ARHGEF18: variants seen among roughly 807,000 people sequenced by gnomAD.
The protein encoded by ARHGEF18 is rho guanine nucleotide exchange factor 18.
A neutral mutation model predicts 155.7 loss-of-function variants in ARHGEF18; 93 were observed. The observed-to-expected ratio is 0.60, with a 90% confidence interval of 0.50 to 0.71. The LOEUF is 0.71. ARHGEF18 is among the 30% of genes least tolerant of loss of function. ARHGEF18 has a pLI of 0.00. For synonymous variants in ARHGEF18, 742 were observed against 753.1 expected (o/e 0.99, Z 0.24); for missense variants, 1,593 against 1,816.1 (o/e 0.88, Z 2.23).
intron 10 of ARHGEF18, among the ~76,000 whole-genome samples, chr19:7,386,778 A>G (rs1415264220): frequency 1.3e-5 from 2 of 151,968 alleles, no homozygotes; most frequent in Non-Finnish European, 2.9e-5. Flanking sequence ...TCGATAGCTG[A>G]GCTTGCTGTC....
Position 7,395,485 on chromosome 19 carries a change from C to T in ARHGEF18, c.967+12282C>T, listed in dbSNP as rs1452359503. ...AGGTGCAGACGATGCCCGCCCGCTC[C>T]GTCCGAGCCCCAGCCAGTCCTGGGG... On this transcript the variant is annotated intron_variant, in intron 10 of 28. Coordinates refer to ENST00000668164, the MANE Select transcript of ARHGEF18 (RefSeq NM_001367823.1). The surrounding 1 kb of genome is among the most constrained non-coding windows in gnomAD (Gnocchi z 5.0). Among the ~76,000 whole-genome samples, 1 of 152,090 alleles carries T rather than the reference C, an allele frequency of 6.6e-6. No homozygotes were observed. Among genetic ancestry groups the T allele is most frequent in the Non-Finnish European group, 1.5e-5 (1 of 68,004 alleles).
chr19:7,469,732 G>A (rs1976897456), intron 27 of ARHGEF18, among the ~76,000 whole-genome samples, 172 bp from the exon 28 acceptor site: 1 of 152,078 alleles, frequency 6.6e-6, no homozygotes, highest in African/African-American at 2.4e-5. Flanking sequence ...GGTTGGGGCC[G>A]TTCTCCCTGA....
rs1234895605 is a variant in ARHGEF18 at position 7,462,151 on chromosome 19, G to A, written c.2453-1G>A. The A allele has an allele frequency of 1.9e-6, 3 of 1,613,724 alleles. No individual in the cohort carries two copies. Among genetic ancestry groups the A allele is most frequent in the Non-Finnish European group, 2.5e-6 (3 of 1,180,024 alleles). ...CTGCCACCTCCACCATCACTCTGCA[G>A]AGCGGTTGAGCATGAAAGACCAGCT... On this transcript the variant is annotated splice_acceptor_variant, in intron 20 of 28. Transcript: ENST00000668164. LOFTEE classifies it high-confidence loss of function. The surrounding 1 kb of genome is among the most constrained non-coding windows in gnomAD (Gnocchi z 4.4).
chr19:7,353,386 C>T (rs149735868), intron 1 of ARHGEF18, among the ~76,000 whole-genome samples: 6,359 of 151,196 alleles, frequency 0.042, 401 homozygotes, highest in African/African-American at 0.14. Context: ...GTCAGGAGTT[C>T]GAGACCAGCC....
Position 7,418,254 on chromosome 19 carries a change from T to TTTTTG in ARHGEF18, c.968-22070_968-22066dup, listed in dbSNP as rs548862942. ...ACTGGTTTTTTGTGTTTGTGGGGTT[T>TTTTTG]TTTTGTTTTGTTTTGTTTTGTTTTA... On this transcript the variant is annotated intron_variant, in intron 10 of 28. Transcript: ENST00000668164. Among the ~76,000 whole-genome samples the TTTTTG allele has an allele frequency of 2.1e-3, 315 of 152,130 alleles. 1 individual carries two copies. The highest frequency in any genetic ancestry group is 6.4e-3 in the African/African-American group (264 of 41,498).
intron 17 of ARHGEF18, 125 bp downstream of exon 17, chr19:7,453,840 AGGTGGTCACCATCTTGGATT>A: frequency 7.8e-7 from 1 of 1,283,882 alleles, no homozygotes; most frequent in Non-Finnish European, 1.0e-6. Context: ...CATCTTGGAG[AGGTGGTCACCATCTTGGATT>A]GGTGGGTACT....
At chr19:7,429,050 CAGA>C (rs1437601505) in intron 10 of ARHGEF18, among the ~76,000 whole-genome samples, 1 of 152,236 alleles carries the variant, frequency 6.6e-6, no homozygotes, top group Non-Finnish European at 1.5e-5. Context: ...GCACGCCATG[CAGA>C]AGGACTCTGA....
chr19:7,358,283 A>ATCCC, intron 1 of ARHGEF18, among the ~76,000 whole-genome samples: 1 of 148,826 alleles, frequency 6.7e-6, no homozygotes, highest in Non-Finnish European at 1.5e-5. Context: ...CCATCCATCC[A>ATCCC]TCCATCCATC....
intron 8 of ARHGEF18, among the ~76,000 whole-genome samples, chr19:7,381,663 G>C (rs1303977249): frequency 1.3e-5 from 2 of 149,664 alleles, no homozygotes; most frequent in Non-Finnish European, 2.9e-5. Flanking sequence ...GGGCAACAGA[G>C]TGAAACTCCG....
chr19:7,448,648 C>T (rs976507479), intron 15 of ARHGEF18, among the ~76,000 whole-genome samples: 5 of 150,704 alleles, frequency 3.3e-5, no homozygotes, highest in Admixed American at 1.3e-4. Context: ...GCAACAAGAG[C>T]GAAACTCCGT....
intron 10 of ARHGEF18, among the ~76,000 whole-genome samples, chr19:7,431,341 A>AC (rs1973948890): frequency 6.6e-6 from 1 of 151,006 alleles, no homozygotes; most frequent in Non-Finnish European, 1.5e-5. Flanking sequence ...ACATGGTAAA[A>AC]CCCCGTCTCT....
chr19:7,430,769 T>C (rs1973912076), intron 10 of ARHGEF18, among the ~76,000 whole-genome samples: 1 of 152,106 alleles, frequency 6.6e-6, no homozygotes, highest in Non-Finnish European at 1.5e-5. Context: ...TGTGCCACTG[T>C]ACTCCAGCCT....
At chr19:7,414,035 G>A (rs935087656) in intron 10 of ARHGEF18, among the ~76,000 whole-genome samples, 3 of 152,082 alleles carry the variant, frequency 2.0e-5, no homozygotes, top group Non-Finnish European at 2.9e-5. Flanking sequence ...AGATTCCTGC[G>A]CGTGGGTCTA....
intron 10 of ARHGEF18, among the ~76,000 whole-genome samples, chr19:7,424,400 T>C (rs1314264135): frequency 1.3e-5 from 2 of 152,148 alleles, no homozygotes; most frequent in Non-Finnish European, 2.9e-5. Context: ...AGCAATTTGG[T>C]AATGCAAGTC....
At position 7,471,203 on chromosome 19, in the gene ARHGEF18, G is replaced by A. The variant is rs1977000989; in HGVS notation, c.*905G>A. 5.3e-6 allele frequency: 1 copy of A among 188,472 alleles called. No homozygotes were observed. The highest frequency in any genetic ancestry group is 1.9e-4 in the South Asian group (1 of 5,140). 11.7% of individuals were successfully genotyped at this position (188,472 alleles called of 1,614,324 possible). On this transcript the variant is annotated 3_prime_UTR_variant, in exon 29 of 29. Coordinates refer to ENST00000668164, the MANE Select transcript of ARHGEF18 (RefSeq NM_001367823.1). The surrounding 1 kb of genome is among the most constrained non-coding windows in gnomAD (Gnocchi z 4.4). ...GCTGGCGTCCCACCTTCCAGGTGGG[G>A]GCTGGCACATCACAGACTGTCGAGA...
intron 23 of ARHGEF18, 48 bp from the exon 24 acceptor site, chr19:7,466,870 G>T (rs1479043304): frequency 7.1e-6 from 11 of 1,541,350 alleles, no homozygotes; most frequent in Non-Finnish European, 9.8e-6. Flanking sequence ...AGTCTAGTCG[G>T]ATGGGTCTTG....
rs1413444798 is a variant in ARHGEF18, at chr19:7,380,906, TG to T, written c.645-10del. On this transcript the variant is annotated splice_polypyrimidine_tract_variant and intron_variant, in intron 7 of 28. Transcript: ENST00000668164. Reference sequence around the variant, plus strand: ...TGCCGACCCAGGTATCTGTCCCCTCTGATCCTGCAGGGCCCGGCAGAGGGCT... The same window carrying T: ...TGCCGACCCAGGTATCTGTCCCCTCTATCCTGCAGGGCCCGGCAGAGGGCT... 3.2e-5 allele frequency: 40 copies of T among 1,232,160 alleles called. No homozygotes were observed. The highest frequency in any genetic ancestry group is 3.9e-5 in the Non-Finnish European group (39 of 987,966). 76.3% of individuals were successfully genotyped at this position (1,232,160 alleles called of 1,614,324 possible).
chr19:7,404,397 CAGTT>C (rs1204142171), intron 10 of ARHGEF18, among the ~76,000 whole-genome samples: 5 of 151,000 alleles, frequency 3.3e-5, no homozygotes, highest in African/African-American at 1.2e-4. Flanking sequence ...AAGAGAAACA[CAGTT>C]AGGTAGAAAC....
In ARHGEF18 at chr19:7,470,537, G is replaced by A. The variant is rs1180683850; in HGVS notation, c.*239G>A. On this transcript the variant is annotated 3_prime_UTR_variant, in exon 29 of 29. Transcript: ENST00000668164. This position sits in a 1 kb window ranked among gnomAD's most constrained non-coding sequence, Gnocchi z 5.9. ...ATCTCTTTTTTTTTTTTTCAAAAAG[G>A]AAAGTTTTTAATGGAAAGTTGAGCC... The A allele has an allele frequency of 4.9e-6, 2 of 408,606 alleles. No individual in the cohort carries two copies. Among genetic ancestry groups the A allele is most frequent in the Non-Finnish European group, 8.4e-6 (2 of 236,702 alleles). 25.3% of individuals were successfully genotyped at this position (408,606 alleles called of 1,614,324 possible).
Sources: allele counts gnomAD v4.1 joint callset (sites outside exome capture counted in the v4.1 genomes callset), GRCh38; gene constraint gnomAD v4.1.1; non-coding constraint Gnocchi (gnomAD v3.1); transcripts MANE v1.5; gene names NCBI Gene and HGNC (gene_info 2026-07-23, HGNC 2026-07-21).